Variants in PEAK1 observed in about 807,000 individuals in gnomAD.
PEAK1 encodes pseudopodium enriched atypical kinase 1.
Under a neutral mutation model 124.7 loss-of-function variants are expected in PEAK1, and 54 were observed. That is an observed-to-expected ratio of 0.43 (90% CI 0.35 to 0.54). PEAK1 has a LOEUF of 0.54. Ranked by LOEUF, PEAK1 falls within the 20% of genes least tolerant of loss-of-function variation. The probability of loss-of-function intolerance (pLI) is 0.01; values close to 1 mark genes in which losing one functional copy is unlikely to be tolerated. For synonymous variants in PEAK1, 719 were observed against 760.0 expected (o/e 0.95, Z 0.89); for missense variants, 2,046 against 2,134.5 (o/e 0.96, Z 0.82).
At chr15:77,267,542 T>C (rs759852417) in intron 5 of PEAK1, among the ~76,000 whole-genome samples, 2 of 152,134 alleles carry the variant, frequency 1.3e-5, no homozygotes, top group Non-Finnish European at 2.9e-5. Context: ...ATAAGACTCT[T>C]TGCAGATACT....
intron 2 of PEAK1, among the ~76,000 whole-genome samples, chr15:77,323,695 A>G (rs1051100522): frequency 2.2e-4 from 34 of 152,198 alleles, no homozygotes; most frequent in Admixed American, 2.1e-3. Flanking sequence ...TACCATGAAA[A>G]TGGCCATACT....
At chr15:77,388,972 T>A (rs1349140999) in intron 1 of PEAK1, among the ~76,000 whole-genome samples, 1 of 150,662 alleles carries the variant, frequency 6.6e-6, no homozygotes, top group East Asian at 1.9e-4. Context: ...TTTTTTTTTT[T>A]TTTTTTTGGA....
chr15:77,194,693 C>A (rs1357286758), intron 6 of PEAK1, among the ~76,000 whole-genome samples: 1 of 152,104 alleles, frequency 6.6e-6, no homozygotes, highest in Non-Finnish European at 1.5e-5. Context: ...CTGTATGTTT[C>A]TTGAACAGAT....
intron 2 of PEAK1, among the ~76,000 whole-genome samples, chr15:77,316,419 C>G (rs2064877167): frequency 6.6e-6 from 1 of 152,116 alleles, no homozygotes; most frequent in African/African-American, 2.4e-5. Context: ...CTTACATAAA[C>G]ATACTTAGAT....
At chr15:77,278,829 T>C in intron 5 of PEAK1, 1 of 220,604 alleles carries the variant, frequency 4.5e-6, no homozygotes, top group South Asian at 3.8e-5. Context: ...CAAAATTTTG[T>C]GGGTTTTTTT....
At chr15:77,363,485 A>G (rs2141592971) in intron 2 of PEAK1, among the ~76,000 whole-genome samples, 1 of 152,164 alleles carries the variant, frequency 6.6e-6, no homozygotes, top group South Asian at 2.1e-4. Context: ...TAGCCTTTGC[A>G]CCTTTTCCTC....
chr15:77,215,439 G>C (rs1158653226), intron 6 of PEAK1, among the ~76,000 whole-genome samples: 1 of 152,162 alleles, frequency 6.6e-6, no homozygotes, highest in Non-Finnish European at 1.5e-5. Context: ...GGATGCTCAA[G>C]TCCTTTATAT....
Position 77,283,923 on chromosome 15 carries a change from C to G in PEAK1, c.-315G>C. On this transcript the variant is annotated 5_prime_UTR_variant, in exon 5 of 10. Transcript: ENST00000682557. ...ATTTATATAGCTGTAGTCATTACTACTTTCATATTAGAAAATGTTTGTTTC... is the reference window on the plus strand; with the variant it reads ...ATTTATATAGCTGTAGTCATTACTAGTTTCATATTAGAAAATGTTTGTTTC... 2.0e-6 allele frequency: 2 copies of G among 982,366 alleles called. No individual in the cohort carries two copies. Among genetic ancestry groups the G allele is most frequent in the Non-Finnish European group, 2.4e-6 (2 of 827,168 alleles). 60.9% of individuals were successfully genotyped at this position (982,366 alleles called of 1,614,324 possible).
chr15:77,172,307 T>C (rs538203340), intron 7 of PEAK1, among the ~76,000 whole-genome samples: 29 of 152,342 alleles, frequency 1.9e-4, no homozygotes, highest in Admixed American at 6.5e-4. Flanking sequence ...TTTCATTATA[T>C]AATACTTTTA....
intron 1 of PEAK1, among the ~76,000 whole-genome samples, chr15:77,400,363 C>G (rs1315981241): frequency 6.6e-6 from 1 of 152,130 alleles, no homozygotes; most frequent in Non-Finnish European, 1.5e-5. Context: ...TCTCCACTCC[C>G]ATGTTTACTG....
chr15:77,121,226 T>C (rs1366326139), intron 9 of PEAK1, among the ~76,000 whole-genome samples: 2 of 152,100 alleles, frequency 1.3e-5, no homozygotes, highest in Non-Finnish European at 2.9e-5. Context: ...CCTTGTCCCC[T>C]TTCCTCCCTC....
In PEAK1 at chr15:77,179,596, T is replaced by G; in HGVS notation, c.2331A>C (p.Pro777=). The G allele has an allele frequency of 6.2e-7, 1 of 1,613,988 alleles. No individual in the cohort carries two copies. The highest frequency in any genetic ancestry group is 2.2e-5 in the East Asian group (1 of 44,862). ...LSQIVASIQP[P]QSPPETPQSG... The stretch of plus-strand genomic sequence containing the variant: ...ATTGAGGTGTTTCTGGAGGAGACTG[T>G]GGGGGTTGGATTGAAGCCACAATCT... The change falls in exon 7 of 10, where the codon CCA becomes CCC. Residue 777 remains proline, a synonymous_variant. Transcript: ENST00000682557.
intron 2 of PEAK1, among the ~76,000 whole-genome samples, chr15:77,362,842 G>C (rs2067983750): frequency 6.6e-6 from 1 of 152,046 alleles, no homozygotes; most frequent in African/African-American, 2.4e-5. Flanking sequence ...AAAAAAGTGT[G>C]ACTTTTTATT....
chr15:77,408,236 C>T (rs1033178137), intron 1 of PEAK1, among the ~76,000 whole-genome samples: 3 of 151,518 alleles, frequency 2.0e-5, no homozygotes, highest in Non-Finnish European at 4.4e-5. Context: ...ATGGCAGTGG[C>T]AGCAACCTGG....
chr15:77,267,754 CG>C (rs1373472145), intron 5 of PEAK1, among the ~76,000 whole-genome samples: 3 of 151,848 alleles, frequency 2.0e-5, no homozygotes, highest in African/African-American at 7.3e-5. Context: ...ATAGTATACC[CG>C]AATAAGAAGG....
At chr15:77,313,269 A>G (rs2064593331) in intron 2 of PEAK1, among the ~76,000 whole-genome samples, 1 of 152,212 alleles carries the variant, frequency 6.6e-6, no homozygotes, top group Non-Finnish European at 1.5e-5. Context: ...CAAGATGAGC[A>G]ATAAAATAAA....
intron 1 of PEAK1, chr15:77,419,492 G>A (rs1317264576): frequency 7.1e-6 from 7 of 985,142 alleles, no homozygotes; most frequent in Non-Finnish European, 8.4e-6. Flanking sequence ...GGAGCAGGCA[G>A]GGAGCCACCC....
In PEAK1 at chr15:77,133,519, T is replaced by C. The variant is rs779535591; in HGVS notation, c.3563A>G (p.Tyr1188Cys). 3.7e-5 allele frequency: 59 copies of C among 1,614,054 alleles called. No homozygotes were observed. In the South Asian group the frequency reaches 6.3e-4, roughly 17 times the overall value. Residue 1188 changes from tyrosine (Y) to cysteine (C), a missense_variant, in exon 9 of 10, where the codon TAT becomes TGT. Physicochemically the swap from Tyr to Cys is radical, Grantham distance 194. Coordinates refer to ENST00000682557, the MANE Select transcript of PEAK1 (RefSeq NM_001385026.1). The surrounding 1 kb of genome is among the most constrained non-coding windows in gnomAD (Gnocchi z 4.2). ...GGCATCCCAGTTGGGGTCGATATCA[T>C]AGGTGGGATTAGCCATGACACAAAG... is the stretch of plus-strand genomic sequence containing the variant. Reference protein sequence around the residue: ...SSLCVMANPTYDIDPNWDASS... With the variant: ...SSLCVMANPTCDIDPNWDASS...
At chr15:77,140,845 C>T (rs981553077) in intron 8 of PEAK1, among the ~76,000 whole-genome samples, 1 of 151,814 alleles carries the variant, frequency 6.6e-6, no homozygotes, top group Non-Finnish European at 1.5e-5. Context: ...AGTGATCCTT[C>T]CACCTCAGTC....
Sources: allele counts gnomAD v4.1 joint callset (sites outside exome capture counted in the v4.1 genomes callset), GRCh38; gene constraint gnomAD v4.1.1; non-coding constraint Gnocchi (gnomAD v3.1); transcripts MANE v1.5; gene names NCBI Gene and HGNC (gene_info 2026-07-23, HGNC 2026-07-21).